SCAPER: variants seen among roughly 807,000 people sequenced by gnomAD.
SCAPER encodes S phase cyclin A-associated protein in the endoplasmic reticulum.
Under a neutral mutation model 182.2 loss-of-function variants are expected in SCAPER, and 98 were observed. That is an observed-to-expected ratio of 0.54 (90% CI 0.46 to 0.64). The LOEUF is 0.64. Among genes scored for constraint, SCAPER ranks in the 30% least tolerant of loss-of-function variants. SCAPER has a pLI of 0.00. For synonymous variants in SCAPER, 605 were observed against 564.6 expected (o/e 1.07, Z -1.01); for missense variants, 1,432 against 1,690.0 (o/e 0.85, Z 2.68).
intron 16 of SCAPER, among the ~76,000 whole-genome samples, chr15:76,731,619 G>T (rs1394782174): frequency 6.6e-6 from 1 of 152,178 alleles, no homozygotes; most frequent in African/African-American, 2.4e-5. Context: ...AGCAAGTAAT[G>T]ATTACACATT....
intron 23 of SCAPER, among the ~76,000 whole-genome samples, chr15:76,511,829 TTATA>T (rs144159437): frequency 0.039 from 5,288 of 136,728 alleles, 185 homozygotes; most frequent in Non-Finnish European, 0.059. Context: ...GATACACTTA[TTATA>T]TATATATATA....
At chr15:76,394,654 A>G (rs995508440) in intron 27 of SCAPER, among the ~76,000 whole-genome samples, 5 of 152,234 alleles carry the variant, frequency 3.3e-5, no homozygotes, top group African/African-American at 1.2e-4. Flanking sequence ...TATGGTTCTT[A>G]GCAGGTCACT....
intron 21 of SCAPER, among the ~76,000 whole-genome samples, chr15:76,624,895 T>C (rs1478216440): frequency 6.6e-6 from 1 of 152,172 alleles, no homozygotes; most frequent in African/African-American, 2.4e-5. Context: ...GTAAGGGCAA[T>C]GGCAGTAGCA....
At chr15:76,533,395 C>G (rs1420485766) in intron 23 of SCAPER, among the ~76,000 whole-genome samples, 1 of 152,092 alleles carries the variant, frequency 6.6e-6, no homozygotes, top group African/African-American at 2.4e-5. Flanking sequence ...TACATGAATA[C>G]TTACCATTGT....
intron 20 of SCAPER, among the ~76,000 whole-genome samples, chr15:76,696,340 T>C (rs1443877824): frequency 1.3e-5 from 2 of 152,222 alleles, no homozygotes; most frequent in African/African-American, 4.8e-5. Flanking sequence ...AATCACCTAA[T>C]TGGCATATAT....
chr15:76,732,064 C>T (rs1054560425), intron 16 of SCAPER, among the ~76,000 whole-genome samples: 2 of 152,056 alleles, frequency 1.3e-5, no homozygotes, highest in Admixed American at 6.6e-5. Flanking sequence ...AACTGATGAC[C>T]GTAACTGAAA....
intron 25 of SCAPER, among the ~76,000 whole-genome samples, chr15:76,450,155 T>A (rs1244345164): frequency 6.6e-6 from 1 of 152,244 alleles, no homozygotes; most frequent in Non-Finnish European, 1.5e-5. Flanking sequence ...CCACACCATA[T>A]TGTCTCTGTA....
intron 25 of SCAPER, among the ~76,000 whole-genome samples, chr15:76,453,675 G>A (rs2048527231): frequency 6.6e-6 from 1 of 152,142 alleles, no homozygotes; most frequent in African/African-American, 2.4e-5. Flanking sequence ...TTTTTCACTA[G>A]AAAGTTACTC....
Position 76,705,945 on chromosome 15 carries a change from T to A in SCAPER, c.2205A>T (p.Gln735His). The A allele has an allele frequency of 6.4e-7, 1 of 1,565,348 alleles. No homozygotes were observed. The change falls in exon 18 of 32, where the codon CAA becomes CAT. Residue 735 changes from glutamine (Q) to histidine (H), a missense_variant. By Grantham distance (24) the Gln-to-His change is conservative. This residue lies in a region of SCAPER where 718 missense variants were observed against 799.7 expected (regional missense o/e 0.90). Coordinates refer to ENST00000563290, the MANE Select transcript of SCAPER (RefSeq NM_020843.4). ...TCTGTAACTCTTCCATAGCTTCTTG[T>A]TGAGCAGCTGTGAGTGCTGCCAATC... ...EERLAALTAA[Q>H]QEAMEELQKK...
At chr15:76,890,144 A>C (rs2074082751) in intron 1 of SCAPER, among the ~76,000 whole-genome samples, 1 of 152,236 alleles carries the variant, frequency 6.6e-6, no homozygotes, top group Non-Finnish European at 1.5e-5. Flanking sequence ...AATGTACCAG[A>C]ATCTCTAGGA....
rs1018512776 is a variant in SCAPER, at chr15:76,636,228, A to G, written c.2646-14399T>C. Among the ~76,000 whole-genome samples the G allele has an allele frequency of 2.0e-5, 3 of 152,274 alleles. No homozygotes were observed. The East Asian group carries it at 5.8e-4, about 29-fold the overall frequency. On this transcript the variant is annotated intron_variant, in intron 21 of 31. Coordinates refer to ENST00000563290, the MANE Select transcript of SCAPER (RefSeq NM_020843.4). The stretch of plus-strand genomic sequence containing the variant: ...ATTCTTTCAGCACACTGAGTGTGTC[A>G]TCTCATTGCCAAGTGGCCTCCATCA...
rs564432572 is a variant in SCAPER, at chr15:76,537,354, T to C, written c.2839-32380A>G. On this transcript the variant is annotated intron_variant, in intron 23 of 31. Transcript: ENST00000563290. ...TACAGTAACCAAAACAGCATGGTAC[T>C]GGTACCAAAACAGAGATACAGATCA... 2.4e-4 allele frequency among the ~76,000 whole-genome samples: 36 copies of C among 152,280 alleles called. 2 individuals carry two copies. The South Asian group carries it at 7.5e-3, about 32-fold the overall frequency.
chr15:76,869,754 CG>C (rs1470126794), intron 2 of SCAPER, among the ~76,000 whole-genome samples: 15 of 152,016 alleles, frequency 9.9e-5, no homozygotes, highest in Admixed American at 3.9e-4. Flanking sequence ...TCCACTACTG[CG>C]TATATATCCA....
At chr15:76,893,466 G>C (rs2074267764) in intron 1 of SCAPER, among the ~76,000 whole-genome samples, 1 of 151,858 alleles carries the variant, frequency 6.6e-6, no homozygotes, top group Admixed American at 6.6e-5. Flanking sequence ...TACATTAATA[G>C]CAGGGGACTT....
At chr15:76,366,086 TACACACA>T (rs2041794751) in intron 29 of SCAPER, among the ~76,000 whole-genome samples, 1 of 149,432 alleles carries the variant, frequency 6.7e-6, no homozygotes, top group African/African-American at 2.5e-5. Flanking sequence ...CTTACACACT[TACACACA>T]CACACACACA....
chr15:76,466,357 C>G (rs1376730671), intron 25 of SCAPER, among the ~76,000 whole-genome samples: 2 of 147,054 alleles, frequency 1.4e-5, no homozygotes, highest in African/African-American at 5.0e-5. Context: ...GCTGTTGAAC[C>G]CCTATTGTGA....
Position 76,751,351 on chromosome 15 carries a change from T to C in SCAPER, c.1866+2457A>G, listed in dbSNP as rs561246896. Among the ~76,000 whole-genome samples the C allele has an allele frequency of 5.9e-5, 9 of 151,868 alleles. No individual in the cohort carries two copies. In the South Asian group the frequency reaches 1.5e-3, roughly 24 times the overall value. On this transcript the variant is annotated intron_variant, in intron 15 of 31. Coordinates refer to ENST00000563290, the MANE Select transcript of SCAPER (RefSeq NM_020843.4). ...GCAATCTTTACCAAAATTCCAATGA[T>C]GACTCTGCAGAAACAGAAAAGTCCA...
intron 14 of SCAPER, among the ~76,000 whole-genome samples, chr15:76,755,863 G>A (rs1457041145): frequency 1.3e-5 from 2 of 152,172 alleles, no homozygotes; most frequent in African/African-American, 2.4e-5. Flanking sequence ...CTGGCCCACA[G>A]CCAAAGGGGA....
At chr15:76,882,493 A>G (rs185139841) in intron 2 of SCAPER, among the ~76,000 whole-genome samples, 3 of 152,260 alleles carry the variant, frequency 2.0e-5, no homozygotes, top group Admixed American at 2.0e-4. Context: ...AAAAAAAAAG[A>G]AATCTTCTGG....
Sources: allele counts gnomAD v4.1 joint callset (sites outside exome capture counted in the v4.1 genomes callset), GRCh38; gene constraint gnomAD v4.1.1; regional missense constraint gnomAD v4.1.1; transcripts MANE v1.5; gene names NCBI Gene and HGNC (gene_info 2026-07-23, HGNC 2026-07-21).